Variants in HYCC2 observed in about 807,000 individuals in gnomAD.
The protein encoded by HYCC2 is hyccin 2.
At chr2:201,042,955 T>C in the HYCC2 span, among the ~76,000 whole-genome samples, 3 of 151,916 alleles carry the variant, frequency 2.0e-5, no homozygotes, top group Admixed American at 2.0e-4. Context: ...TCATTGAGAA[T>C]GGGCCATGAT....
chr2:200,985,587 G>A, the HYCC2 span, among the ~76,000 whole-genome samples: 1 of 152,168 alleles, frequency 6.6e-6, no homozygotes, highest in South Asian at 2.1e-4. Context: ...CTTAAGACCA[G>A]GAAGTTGAGG....
chr2:201,021,914 T>C, the HYCC2 span: 1 of 406,098 alleles, frequency 2.5e-6, no homozygotes, highest in South Asian at 1.9e-5. Context: ...CAATTGCTGC[T>C]ACAAATAGCA....
chr2:201,040,675 G>C, the HYCC2 span, among the ~76,000 whole-genome samples: 1 of 151,840 alleles, frequency 6.6e-6, no homozygotes. Flanking sequence ...AGTACAGATG[G>C]GGTTTCACCA....
the HYCC2 span, among the ~76,000 whole-genome samples, chr2:201,027,056 T>C: frequency 8.5e-5 from 13 of 152,188 alleles, no homozygotes; most frequent in African/African-American, 3.1e-4. Flanking sequence ...ACAAAATTGA[T>C]AGACTGCTAG....
chr2:201,043,800 G>A, the HYCC2 span, among the ~76,000 whole-genome samples: 5 of 152,028 alleles, frequency 3.3e-5, no homozygotes, highest in Admixed American at 6.6e-5. Context: ...GAGCCACCGC[G>A]CCTGGCCAAA....
At chr2:201,059,134 G>A in the HYCC2 span, among the ~76,000 whole-genome samples, 4 of 152,122 alleles carry the variant, frequency 2.6e-5, no homozygotes, top group African/African-American at 9.7e-5. Context: ...GTGTCTGACT[G>A]GAACTATACA....
chr2:201,012,652 T>C, the HYCC2 span, among the ~76,000 whole-genome samples: 1 of 152,082 alleles, frequency 6.6e-6, no homozygotes, highest in East Asian at 2.0e-4. Context: ...CTGTTATAAA[T>C]AAATATGTGC....
the HYCC2 span, chr2:201,022,199 T>C: frequency 6.0e-6 from 4 of 662,738 alleles, no homozygotes; most frequent in East Asian, 2.0e-4. Context: ...TAAAACTGTA[T>C]GTCATACTAC....
At chr2:200,995,587 A>G in the HYCC2 span, among the ~76,000 whole-genome samples, 1 of 152,252 alleles carries the variant, frequency 6.6e-6, no homozygotes, top group Middle Eastern at 3.2e-3. Context: ...TGGGAGGCCA[A>G]TATGACAAGG....
the HYCC2 span, among the ~76,000 whole-genome samples, chr2:200,989,347 T>G: frequency 6.6e-6 from 1 of 152,184 alleles, no homozygotes; most frequent in African/African-American, 2.4e-5. Context: ...AAGTTCAAGG[T>G]ACTACTATGA....
At chr2:201,013,812 T>C in the HYCC2 span, among the ~76,000 whole-genome samples, 2 of 152,252 alleles carry the variant, frequency 1.3e-5, no homozygotes, top group African/African-American at 2.4e-5. Flanking sequence ...CCAAGTACTT[T>C]TGATTTATCT....
At chr2:201,028,411 C>T in the HYCC2 span, among the ~76,000 whole-genome samples, 2 of 152,120 alleles carry the variant, frequency 1.3e-5, no homozygotes, top group Non-Finnish European at 2.9e-5. Context: ...AGATTCAATG[C>T]CATCCCCAAC....
the HYCC2 span, among the ~76,000 whole-genome samples, chr2:201,057,052 G>A: frequency 6.6e-6 from 1 of 152,150 alleles, no homozygotes; most frequent in Admixed American, 6.5e-5. Context: ...AGAGAGCTAT[G>A]CCCTCTCTGC....
At chr2:201,007,107 T>C in the HYCC2 span, among the ~76,000 whole-genome samples, 1 of 152,234 alleles carries the variant, frequency 6.6e-6, no homozygotes, top group Non-Finnish European at 1.5e-5. Flanking sequence ...GTCATATAAA[T>C]GCTATACTAA....
chr2:200,987,646 C>G, the HYCC2 span: 1 of 727,004 alleles, frequency 1.4e-6, no homozygotes, highest in Non-Finnish European at 2.0e-6. Context: ...AACACAAACA[C>G]TATTTATATA....
the HYCC2 span, among the ~76,000 whole-genome samples, chr2:201,035,671 A>C: frequency 6.6e-6 from 1 of 152,046 alleles, no homozygotes; most frequent in South Asian, 2.1e-4. Context: ...GGAGGAGGAG[A>C]GGTGCTCTGA....
At chr2:200,987,483 C>T in the HYCC2 span, 4 of 1,289,728 alleles carry the variant, frequency 3.1e-6, no homozygotes, top group African/African-American at 1.5e-5. Flanking sequence ...CGTGTTGGAT[C>T]GGGGAGCCAG....
chr2:201,017,047 G>A, the HYCC2 span: 6 of 1,613,724 alleles, frequency 3.7e-6, no homozygotes, highest in Non-Finnish European at 5.1e-6. Flanking sequence ...TGTCTGTCTC[G>A]GCTAACTGTA....
the HYCC2 span, among the ~76,000 whole-genome samples, chr2:201,029,355 G>A: frequency 4.6e-5 from 7 of 152,178 alleles, no homozygotes; most frequent in Non-Finnish European, 8.8e-5. Flanking sequence ...TTCAACCATT[G>A]TGGAAGACAG....
Sources: gnomAD v4.1 joint callset for allele counts (sites outside exome capture counted in the v4.1 genomes callset) on GRCh38, gnomAD v4.1.1 for gene constraint, MANE v1.5 for transcripts, NCBI Gene and HGNC (gene_info 2026-07-23, HGNC 2026-07-21) for gene names.